The following PCDH17 variants were observed in gnomAD, a reference collection of about 807,000 sequenced individuals.
PCDH17 encodes protocadherin-17.
PCDH17 carries 21 observed loss-of-function variants against 67.7 expected under a neutral mutation model. The observed-to-expected ratio is 0.31, with a 90% CI of 0.22 to 0.45. PCDH17 has a LOEUF of 0.45. PCDH17 is among the 20% of genes least tolerant of loss of function. The pLI is 1.00. For synonymous variants in PCDH17, 701 were observed against 656.7 expected (o/e 1.07, Z -1.03); for missense variants, 1,471 against 1,564.8 (o/e 0.94, Z 1.01).
chr13:57,668,123 T>C (rs892337375), intron 3 of PCDH17, among the ~76,000 whole-genome samples: 3 of 151,954 alleles, frequency 2.0e-5, no homozygotes, highest in Admixed American at 6.6e-5. Context: ...TGTGAATCCT[T>C]ATTTATTATT....
Position 57,632,856 on chromosome 13 carries a change from C to G in PCDH17, c.310C>G (p.Leu104Val), listed in dbSNP as rs1405157843. The G allele has an allele frequency of 6.2e-7, 1 of 1,614,024 alleles. No homozygotes were observed. Among genetic ancestry groups the G allele is most frequent in the East Asian group, 2.2e-5 (1 of 44,862 alleles). Residue 104 changes from leucine to valine, a missense_variant, in exon 1 of 4, where the codon CTG becomes GTG. Physicochemically the swap from Leu to Val is conservative, Grantham distance 32. This residue lies in a region of PCDH17 where 1,163 missense variants were observed against 1,230.0 expected (regional missense o/e 0.95). Coordinates refer to ENST00000377918, the MANE Select transcript of PCDH17 (RefSeq NM_001040429.3). ...SLCRHNAKCQ[L>V]SLEVFANDKE... ...GTGCCGCCACAATGCCAAGTGCCAG[C>G]TGTCCCTCGAGGTGTTCGCCAACGA...
Position 57,634,846 on chromosome 13 carries a change from T to G in PCDH17, c.2300T>G (p.Ile767Ser), listed in dbSNP as rs1035674676. The part of the protein sequence containing the change: ...GKKKKINKND[I>S]MLVQSEVEER... ...AAGAAGAAGATCAACAAAAATGATA[T>G]CATGCTGGTGCAGAGCGAAGTGGAG... Residue 767 changes from isoleucine (I) to serine (S), a missense_variant, in exon 1 of 4, where the codon ATC becomes AGC. Around this residue, in one of 3 missense-constraint regions of PCDH17, gnomAD observed 1,163 missense variants for 1,230.0 expected, o/e 0.95. Coordinates refer to ENST00000377918, the MANE Select transcript of PCDH17 (RefSeq NM_001040429.3). This position sits in a 1 kb window ranked among gnomAD's most constrained non-coding sequence, Gnocchi z 7.8. The G allele has an allele frequency of 6.2e-7, 1 of 1,613,946 alleles. No homozygotes were observed. The highest frequency in any genetic ancestry group is 1.7e-5 in the Admixed American group (1 of 60,004).
chr13:57,663,672 C>T (rs1435742220), intron 1 of PCDH17, among the ~76,000 whole-genome samples: 1 of 152,160 alleles, frequency 6.6e-6, no homozygotes, highest in African/African-American at 2.4e-5. Flanking sequence ...TCATTCCTAT[C>T]TACTTTAATC....
rs1955928529 is a variant in PCDH17 at position 57,728,188 on chromosome 13, T to G, written c.*2894T>G. The G allele has an allele frequency of 1.3e-5, 2 of 152,574 alleles. No homozygotes were observed. Among genetic ancestry groups the G allele is most frequent in the South Asian group, 2.1e-4 (1 of 4,836 alleles). The allele number at this position is 152,574 out of a possible 1,614,324, so 9.5% of individuals were successfully genotyped here. A position where few individuals can be genotyped will look rare whatever the true frequency, so the allele number is the denominator to read the frequency against. ...TTATTCATTTAGCTGGCAACTGCCT[T>G]TATTGCAGACCTCTGGTGCTTGGCT... On this transcript the variant is annotated 3_prime_UTR_variant, in exon 4 of 4. Transcript: ENST00000377918.
At position 57,632,721 on chromosome 13, in the gene PCDH17, A is replaced by C; in HGVS notation, c.175A>C (p.Ser59Arg). 7.4e-6 allele frequency: 12 copies of C among 1,611,838 alleles called. No individual in the cohort carries two copies. The highest frequency in any genetic ancestry group is 9.3e-6 in the Non-Finnish European group (11 of 1,179,922). The change falls in exon 1 of 4, where the codon AGC (serine) becomes CGC (arginine). Residue 59 changes from serine to arginine, a missense_variant. By Grantham distance (110) the Ser-to-Arg change is moderately radical (BLOSUM62 -1). Coordinates refer to ENST00000377918, the MANE Select transcript of PCDH17 (RefSeq NM_001040429.3). ...TGCAGAGCGCGGCGGCGGAGGGCGCAGCAAGTCGGGTAGCTACCGGGTGCT... is the reference window on the plus strand; with the variant it reads ...TGCAGAGCGCGGCGGCGGAGGGCGCCGCAAGTCGGGTAGCTACCGGGTGCT... Reference protein sequence around the residue: ...PPAERGGGGRSKSGSYRVLEN... With the variant: ...PPAERGGGGRRKSGSYRVLEN...
At chr13:57,681,253 G>A (rs1955447594) in intron 3 of PCDH17, among the ~76,000 whole-genome samples, 1 of 151,662 alleles carries the variant, frequency 6.6e-6, no homozygotes, top group Admixed American at 6.6e-5. Context: ...TAAGTGCAAA[G>A]GAGAGTTTGC....
chr13:57,637,634 AG>A (rs1954839749), intron 1 of PCDH17, among the ~76,000 whole-genome samples: 1 of 152,020 alleles, frequency 6.6e-6, no homozygotes, highest in African/African-American at 2.4e-5. Flanking sequence ...GAGTGCACTT[AG>A]CCTAACTGCT....
At chr13:57,638,592 C>T (rs1272977892) in intron 1 of PCDH17, among the ~76,000 whole-genome samples, 4 of 152,116 alleles carry the variant, frequency 2.6e-5, no homozygotes, top group East Asian at 1.9e-4. Flanking sequence ...CAATTTCAAA[C>T]GATTCACATT....
At position 57,634,260 on chromosome 13, in the gene PCDH17, A is replaced by G. The variant is rs931139630; in HGVS notation, c.1714A>G (p.Thr572Ala). 3 of 1,613,106 alleles carry G rather than the reference A, an allele frequency of 1.9e-6. No homozygotes were observed. The highest frequency in any genetic ancestry group is 1.7e-6 in the Non-Finnish European group (2 of 1,180,032). The change falls in exon 1 of 4, where the codon ACA becomes GCA. Residue 572 changes from threonine to alanine, a missense_variant. Thr to Ala is a moderately conservative substitution (Grantham distance 58, BLOSUM62 0). Coordinates refer to ENST00000377918, the MANE Select transcript of PCDH17 (RefSeq NM_001040429.3). This position sits in a 1 kb window ranked among gnomAD's most constrained non-coding sequence, Gnocchi z 7.8. ...GGAGAGCAACGCCACGGTGAGGGTG[A>G]CAGTGCTAGACGTGAATGACAACGC... ...HLESNATVRV[T>A]VLDVNDNAPV...
chr13:57,688,966 C>G (rs1955532167), intron 3 of PCDH17, among the ~76,000 whole-genome samples: 1 of 151,980 alleles, frequency 6.6e-6, no homozygotes, highest in Non-Finnish European at 1.5e-5. Context: ...TTGAATTCCA[C>G]CAATCATTTT....
At chr13:57,696,799 GC>G (rs2138069472) in intron 3 of PCDH17, among the ~76,000 whole-genome samples, 1 of 151,478 alleles carries the variant, frequency 6.6e-6, no homozygotes, top group East Asian at 1.9e-4. Flanking sequence ...TGAGGAAAAA[GC>G]CTTTTCTTCT....
chr13:57,671,390 T>C (rs903073635), intron 3 of PCDH17, among the ~76,000 whole-genome samples: 2 of 151,806 alleles, frequency 1.3e-5, no homozygotes, highest in African/African-American at 4.8e-5. Flanking sequence ...AAAATAAATA[T>C]AGTATTAGTT....
intron 1 of PCDH17, among the ~76,000 whole-genome samples, chr13:57,657,544 G>A (rs1218460933): frequency 6.6e-6 from 1 of 152,160 alleles, no homozygotes; most frequent in East Asian, 1.9e-4. Context: ...TTCTGTGGAA[G>A]GCAAAGCTAT....
At chr13:57,703,854 A>G (rs947955467) in intron 3 of PCDH17, among the ~76,000 whole-genome samples, 1 of 152,096 alleles carries the variant, frequency 6.6e-6, no homozygotes, top group Non-Finnish European at 1.5e-5. Context: ...TTTGAATTCC[A>G]AAAGTCAAAA....
chr13:57,693,338 A>T (rs867103406), intron 3 of PCDH17, among the ~76,000 whole-genome samples: 1 of 142,132 alleles, frequency 7.0e-6, no homozygotes. Context: ...ATATATATAT[A>T]TATATATCAA....
rs199911680 is a variant in PCDH17 at position 57,724,950 on chromosome 13, C to T, written c.3136C>T (p.Pro1046Ser). Residue 1046 changes from proline to serine, a missense_variant, in exon 4 of 4, where the codon CCT (proline) becomes TCT (serine). Pro to Ser is a moderately conservative substitution (Grantham distance 74, BLOSUM62 -1). Transcript: ENST00000377918. ...SSSPTKACIE[P>S]CTSTKGSLDG... ...CAGCCCAACCAAGGCGTGCATCGAGCCTTGCACCTCAACAAAAGGCTCCCT... is the reference window on the plus strand; with the variant it reads ...CAGCCCAACCAAGGCGTGCATCGAGTCTTGCACCTCAACAAAAGGCTCCCT... The T allele has an allele frequency of 3.1e-6, 5 of 1,614,058 alleles. No individual in the cohort carries two copies. The African/African-American group carries it at 5.3e-5, about 17-fold the overall frequency.
chr13:57,660,147 G>A (rs1566225328), intron 1 of PCDH17, among the ~76,000 whole-genome samples: 1 of 152,172 alleles, frequency 6.6e-6, no homozygotes, highest in African/African-American at 2.4e-5. Flanking sequence ...TTGCGCGGCT[G>A]AGGCAGGAAG....
In PCDH17 at chr13:57,724,614, C is replaced by A; in HGVS notation, c.2800C>A (p.Pro934Thr). ...STKSQPLEQE[P>T]EECVNCTDEC... ...CTGTTTTCTCTTTTGTTTTGCAGAA[C>A]CAGAAGAGTGTGTTAATTGCACAGA... Residue 934 changes from proline to threonine, a missense_variant and splice_region_variant, in exon 4 of 4, where the codon CCA becomes ACA. This residue lies in a region of PCDH17 where 297 missense variants were observed against 298.6 expected (regional missense o/e 0.99). Coordinates refer to ENST00000377918, the MANE Select transcript of PCDH17 (RefSeq NM_001040429.3). 6.2e-7 allele frequency: 1 copy of A among 1,607,096 alleles called. No individual in the cohort carries two copies. The highest frequency in any genetic ancestry group is 8.5e-7 in the Non-Finnish European group (1 of 1,174,552).
At chr13:57,657,847 C>G (rs1405741913) in intron 1 of PCDH17, among the ~76,000 whole-genome samples, 1 of 152,162 alleles carries the variant, frequency 6.6e-6, no homozygotes, top group Non-Finnish European at 1.5e-5. Flanking sequence ...CGATTTAACA[C>G]CATATCTAGA....
Sources: gnomAD v4.1 joint callset for allele counts (sites outside exome capture counted in the v4.1 genomes callset) on GRCh38, gnomAD v4.1.1 for gene constraint, gnomAD v4.1.1 regional missense constraint, Gnocchi (gnomAD v3.1) non-coding constraint, MANE v1.5 for transcripts, NCBI Gene and HGNC (gene_info 2026-07-23, HGNC 2026-07-21) for gene names.